Variants in TMOD3 observed in about 807,000 individuals in gnomAD.
TMOD3 encodes the protein tropomodulin-3.
In TMOD3, 20 loss-of-function variants were observed where a neutral mutation model predicts 39.2. The observed-to-expected ratio is 0.51, with a 90% CI of 0.36 to 0.74. TMOD3 has a LOEUF of 0.74. TMOD3 is among the 30% of genes least tolerant of loss of function. The probability of loss-of-function intolerance (pLI) is 0.00; values close to 1 mark genes in which losing one functional copy is unlikely to be tolerated. For missense variants in TMOD3, 381 were observed against 412.8 expected, an observed-to-expected ratio of 0.92 and a Z score of 0.67; for synonymous variants, 143 against 145.8, an observed-to-expected ratio of 0.98 and a Z score of 0.14.
At chr15:51,855,772 CAT>C (rs1199450187) in intron 1 of TMOD3, among the ~76,000 whole-genome samples, 1 of 152,222 alleles carries the variant, frequency 6.6e-6, no homozygotes, top group African/African-American at 2.4e-5. Flanking sequence ...GCAAGAGAGA[CAT>C]GTCATCCCAG....
intron 1 of TMOD3, among the ~76,000 whole-genome samples, chr15:51,849,459 G>A (rs2056350784): frequency 6.6e-6 from 1 of 152,178 alleles, no homozygotes; most frequent in African/African-American, 2.4e-5. Flanking sequence ...AGTATAGAAA[G>A]AGAAGCTGTC....
chr15:51,902,481 A>T (rs1555388639), intron 9 of TMOD3, among the ~76,000 whole-genome samples: 1 of 151,544 alleles, frequency 6.6e-6, no homozygotes, highest in Non-Finnish European at 1.5e-5. Flanking sequence ...TTTGTTGTTG[A>T]TTTTTTTTGA....
intron 3 of TMOD3, among the ~76,000 whole-genome samples, chr15:51,885,907 G>A (rs1251141427): frequency 4.0e-5 from 6 of 148,960 alleles, no homozygotes; most frequent in South Asian, 4.2e-4. Flanking sequence ...GGTGGCTGCC[G>A]GGCGGGGGCT....
chr15:51,866,807 A>G (rs967734516), intron 2 of TMOD3, among the ~76,000 whole-genome samples: 2 of 152,240 alleles, frequency 1.3e-5, no homozygotes, highest in Non-Finnish European at 2.9e-5. Context: ...GAATACAAGA[A>G]TGAGCAAAAC....
At chr15:51,875,736 C>T (rs538432622) in intron 3 of TMOD3, among the ~76,000 whole-genome samples, 2 of 151,994 alleles carry the variant, frequency 1.3e-5, no homozygotes, top group East Asian at 3.9e-4. Flanking sequence ...CTGCCTCAGC[C>T]TCCCAAGTAA....
intron 1 of TMOD3, chr15:51,860,385 T>C (rs1301244254): frequency 3.7e-6 from 2 of 544,418 alleles, no homozygotes; most frequent in Admixed American, 1.9e-5. Flanking sequence ...GTTGGCTTTT[T>C]GAAATTCTTG....
At chr15:51,907,023 A>AC (rs940060864) in intron 9 of TMOD3, among the ~76,000 whole-genome samples, 9 of 150,958 alleles carry the variant, frequency 6.0e-5, no homozygotes, top group African/African-American at 2.2e-4. Flanking sequence ...TCCGTCTCAA[A>AC]AAAAAAAAAA....
At chr15:51,860,147 T>C (rs1199242951) in intron 1 of TMOD3, 18 of 472,782 alleles carry the variant, frequency 3.8e-5, no homozygotes, top group Non-Finnish European at 7.1e-5. Context: ...TCTCTAATTG[T>C]CACCTTGCCG....
chr15:51,868,943 G>T (rs1030330428), intron 2 of TMOD3, among the ~76,000 whole-genome samples: 1 of 152,188 alleles, frequency 6.6e-6, no homozygotes, highest in African/African-American at 2.4e-5. Flanking sequence ...CTGCACTCCA[G>T]CTTTGGGGAT....
chr15:51,887,497 A>T, intron 3 of TMOD3, 92 bp from the exon 4 acceptor site: 1 of 1,281,602 alleles, frequency 7.8e-7, no homozygotes, highest in Non-Finnish European at 1.1e-6. Context: ...CTTTTCCTTC[A>T]GGTTCAGTTG....
intron 1 of TMOD3, among the ~76,000 whole-genome samples, chr15:51,846,443 G>A (rs1476790954): frequency 6.6e-6 from 1 of 152,226 alleles, no homozygotes; most frequent in Non-Finnish European, 1.5e-5. Flanking sequence ...CTTGCTCTCA[G>A]CATGATTTCT....
chr15:51,831,202 C>A (rs918175187), intron 1 of TMOD3, among the ~76,000 whole-genome samples: 2 of 152,154 alleles, frequency 1.3e-5, no homozygotes, highest in Non-Finnish European at 2.9e-5. Context: ...ACCTACTGCT[C>A]AATTTTATTT....
chr15:51,865,882 CTGAGTTT>C (rs2056442659), intron 2 of TMOD3, among the ~76,000 whole-genome samples: 3 of 152,012 alleles, frequency 2.0e-5, no homozygotes, highest in Non-Finnish European at 4.4e-5. Flanking sequence ...TGCTAACTCA[CTGAGTTT>C]TTGCCAAAAA....
intron 1 of TMOD3, among the ~76,000 whole-genome samples, chr15:51,831,089 A>C (rs966001960): frequency 1.1e-4 from 17 of 152,196 alleles, no homozygotes; most frequent in Non-Finnish European, 1.0e-4. Flanking sequence ...TCGTTTTTAA[A>C]AGTTCATTTA....
At chr15:51,900,110 T>G (rs1280666909) in intron 7 of TMOD3, 45 bp from the exon 8 acceptor site, 56 of 1,560,866 alleles carry the variant, frequency 3.6e-5, no homozygotes, top group Non-Finnish European at 4.5e-5. Context: ...ATGTAGTAGG[T>G]ACTGTATCAA....
intron 1 of TMOD3, among the ~76,000 whole-genome samples, chr15:51,832,279 C>T (rs2056260496): frequency 7.1e-6 from 1 of 141,810 alleles, no homozygotes; most frequent in Non-Finnish European, 1.5e-5. Context: ...TGGGATTAGG[C>T]AGATATACTT....
chr15:51,846,764 A>G (rs1483189300), intron 1 of TMOD3, among the ~76,000 whole-genome samples: 2 of 152,180 alleles, frequency 1.3e-5, no homozygotes, highest in African/African-American at 4.8e-5. Context: ...CTGTAACCTT[A>G]TTACCATCAG....
chr15:51,873,250 G>A (rs1301059391), intron 3 of TMOD3, among the ~76,000 whole-genome samples: 2 of 152,152 alleles, frequency 1.3e-5, no homozygotes, highest in Non-Finnish European at 2.9e-5. Flanking sequence ...GTTAATCTCT[G>A]TAGCTCCAAA....
intron 9 of TMOD3, among the ~76,000 whole-genome samples, chr15:51,905,358 G>T (rs912568726): frequency 2.6e-5 from 4 of 152,070 alleles, no homozygotes; most frequent in Admixed American, 2.6e-4. Context: ...GTGGTGGCAG[G>T]TACCTGTAAT....
Sources: gnomAD v4.1 joint callset for allele counts (sites outside exome capture counted in the v4.1 genomes callset) on GRCh38, gnomAD v4.1.1 for gene constraint, MANE v1.5 for transcripts, NCBI Gene and HGNC (gene_info 2026-07-23, HGNC 2026-07-21) for gene names.